ACSM3: variants seen among roughly 807,000 people sequenced by gnomAD.
The protein encoded by ACSM3 is acyl-CoA synthetase medium chain family member 3, also known as acyl-coenzyme A synthetase ACSM3, mitochondrial.
A neutral mutation model predicts 74.1 loss-of-function variants in ACSM3; 61 were observed. That is an observed-to-expected ratio of 0.82 (90% CI 0.67 to 1.02). ACSM3 has a LOEUF of 1.02. Ranked by LOEUF, ACSM3 falls within the 50% of genes least tolerant of loss-of-function variation. The pLI, the probability that ACSM3 is intolerant of heterozygous loss-of-function variation, is 0.00. For missense variants in ACSM3, 660 were observed against 697.0 expected, an observed-to-expected ratio of 0.95 and a Z score of 0.60; for synonymous variants, 213 against 241.5, an observed-to-expected ratio of 0.88 and a Z score of 1.09.
chr16:20,789,588 A>G (rs1041188127), intron 9 of ACSM3: 27 of 1,468,612 alleles, frequency 1.8e-5, no homozygotes, highest in Non-Finnish European at 2.4e-5. Context: ...AGTAATGAAG[A>G]TATTTATTTA....
intron 1 of ACSM3, chr16:20,738,868 T>C: frequency 6.2e-7 from 1 of 1,609,934 alleles, no homozygotes; most frequent in Non-Finnish European, 8.5e-7. Flanking sequence ...TGTTATGAGA[T>C]CGATAATCTT....
At chr16:20,685,031 C>T (rs958554035) in intron 1 of ACSM3, among the ~76,000 whole-genome samples, 1 of 152,192 alleles carries the variant, frequency 6.6e-6, no homozygotes, top group African/African-American at 2.4e-5. Flanking sequence ...CTGATAATTC[C>T]CACAGGGCAG....
intron 1 of ACSM3, chr16:20,680,049 A>G (rs1427708365): frequency 6.6e-6 from 1 of 152,254 alleles, no homozygotes; most frequent in Non-Finnish European, 1.5e-5. Flanking sequence ...AAAGAACCAC[A>G]AATCGGATGC....
At chr16:20,744,196 G>A (rs981764980) in intron 1 of ACSM3, among the ~76,000 whole-genome samples, 1 of 152,154 alleles carries the variant, frequency 6.6e-6, no homozygotes, top group African/African-American at 2.4e-5. Flanking sequence ...TGGCCCAAGA[G>A]GATTCTTCTT....
chr16:20,737,232 T>C, intron 1 of ACSM3: 1 of 1,614,170 alleles, frequency 6.2e-7, no homozygotes, highest in East Asian at 2.2e-5. Flanking sequence ...TACCACTGTG[T>C]ACTGTGGATT....
chr16:20,793,329 C>T (rs1005077144), intron 12 of ACSM3, among the ~76,000 whole-genome samples: 2 of 152,030 alleles, frequency 1.3e-5, no homozygotes, highest in African/African-American at 4.8e-5. Flanking sequence ...ATTAGCCAGG[C>T]ATGGTGGCAC....
chr16:20,781,383 A>T (rs1421732299), intron 6 of ACSM3, among the ~76,000 whole-genome samples: 1 of 152,206 alleles, frequency 6.6e-6, no homozygotes, highest in Non-Finnish European at 1.5e-5. Flanking sequence ...TACAACAATT[A>T]AAAAAATGCA....
chr16:20,757,231 G>C (rs2080038991), intron 3 of ACSM3, among the ~76,000 whole-genome samples: 1 of 152,114 alleles, frequency 6.6e-6, no homozygotes, highest in African/African-American at 2.4e-5. Context: ...TGGGCAGTAT[G>C]GCCATTTTCA....
chr16:20,697,316 C>T (rs1567318230), intron 1 of ACSM3, among the ~76,000 whole-genome samples: 1 of 152,126 alleles, frequency 6.6e-6, no homozygotes, highest in African/African-American at 2.4e-5. Context: ...TTCAAACATT[C>T]ATCTCTGACT....
intron 12 of ACSM3, among the ~76,000 whole-genome samples, chr16:20,794,011 T>C (rs1350111896): frequency 6.6e-6 from 1 of 151,902 alleles, no homozygotes; most frequent in Non-Finnish European, 1.5e-5. Context: ...TTAGTCAGAG[T>C]GAGGGGGAAA....
In ACSM3 at chr16:20,777,527, G is replaced by C; in HGVS notation, c.585G>C (p.Leu195=). Residue 195 remains leucine (L), a synonymous_variant, in exon 4 of 14, where the codon CTG becomes CTC. Coordinates refer to ENST00000289416, the MANE Select transcript of ACSM3 (RefSeq NM_005622.4). ...ASKCENLHSK[L]IVSENSREGW... ...AATGTGAAAATCTGCACTCCAAGCTGATTGTATCAGAGAACTCCAGAGAGG... is the reference window on the plus strand; with the variant it reads ...AATGTGAAAATCTGCACTCCAAGCTCATTGTATCAGAGAACTCCAGAGAGG... 1 of 1,614,074 alleles carries C rather than the reference G, an allele frequency of 6.2e-7. No homozygotes were observed. Among genetic ancestry groups the C allele is most frequent in the South Asian group, 1.1e-5 (1 of 91,076 alleles).
rs1250850064 is a variant in ACSM3, at chr16:20,738,859, G to T, written c.-189-11051G>T. 7.5e-6 allele frequency: 12 copies of T among 1,605,636 alleles called. No individual in the cohort carries two copies. In the Admixed American group the frequency reaches 1.2e-4, roughly 16 times the overall value. ...CCCTGAGACAGGAAGATACCCAGAT[G>T]TTATGAGATCGATAATCTTAGCAAG... On this transcript the variant is annotated intron_variant, in intron 1 of 3. Transcript: ENST00000561584.
At chr16:20,741,804 C>G in intron 1 of ACSM3, 1 of 1,543,854 alleles carries the variant, frequency 6.5e-7, no homozygotes, top group South Asian at 1.2e-5. Context: ...TCGTCTATCG[C>G]CGGCGCGAAC....
intron 1 of ACSM3, among the ~76,000 whole-genome samples, chr16:20,690,510 T>C (rs2079633716): frequency 6.6e-6 from 1 of 152,208 alleles, no homozygotes; most frequent in African/African-American, 2.4e-5. Flanking sequence ...GCCATCCTCA[T>C]GGGAAGATGG....
chr16:20,717,953 A>AGAG (rs1352575481), intron 1 of ACSM3, among the ~76,000 whole-genome samples: 1 of 103,214 alleles, frequency 9.7e-6, no homozygotes, highest in Non-Finnish European at 2.1e-5. Context: ...AGGAAGAGGA[A>AGAG]GAGGAAGAAG....
In ACSM3 at chr16:20,777,491, T is replaced by C. The variant is rs1465447433; in HGVS notation, c.549T>C (p.Ala183=). 3 of 1,614,018 alleles carry C rather than the reference T, an allele frequency of 1.9e-6. No individual in the cohort carries two copies. The highest frequency in any genetic ancestry group is 2.2e-5 in the South Asian group (2 of 91,086). Residue 183 remains alanine, a synonymous_variant, in exon 4 of 14, where the codon GCT becomes GCC. Coordinates refer to ENST00000289416, the MANE Select transcript of ACSM3 (RefSeq NM_005622.4). ...TNDVLAPAVD[A]VASKCENLHS... ...ATGTTTTAGCCCCAGCAGTAGACGC[T>C]GTTGCATCCAAATGTGAAAATCTGC...
intron 12 of ACSM3, among the ~76,000 whole-genome samples, chr16:20,795,053 G>A (rs1230584599): frequency 6.6e-6 from 1 of 152,184 alleles, no homozygotes; most frequent in Non-Finnish European, 1.5e-5. Flanking sequence ...ATGCAGCAGA[G>A]CTAGCATAAC....
At chr16:20,726,750 T>G (rs1054170526) in intron 1 of ACSM3, among the ~76,000 whole-genome samples, 2 of 152,204 alleles carry the variant, frequency 1.3e-5, no homozygotes, top group African/African-American at 4.8e-5. Context: ...ATCAACTCCA[T>G]CTATAAGAGA....
chr16:20,738,213 G>C (rs781570600), intron 1 of ACSM3: 41 of 507,902 alleles, frequency 8.1e-5, no homozygotes, highest in Non-Finnish European at 1.4e-4. Context: ...AGACACCGTT[G>C]TTAACATTTT....
Sources: allele counts gnomAD v4.1 joint callset (sites outside exome capture counted in the v4.1 genomes callset), GRCh38; gene constraint gnomAD v4.1.1; transcripts MANE v1.5; gene names NCBI Gene and HGNC (gene_info 2026-07-23, HGNC 2026-07-21).